NRXN3: variants seen among roughly 807,000 people sequenced by gnomAD.
NRXN3 encodes neurexin 3.
In NRXN3, 32 loss-of-function variants were observed where a neutral mutation model predicts 137.6. The ratio of observed to expected loss-of-function variants is 0.23; its 90% confidence interval spans 0.18 to 0.31. NRXN3 has a LOEUF of 0.31. NRXN3 is among the 10% of genes least tolerant of loss of function. The pLI is 1.00. For synonymous variants in NRXN3, 798 were observed against 784.5 expected (o/e 1.02, Z -0.29); for missense variants, 1,574 against 2,062.5 (o/e 0.76, Z 4.59).
intron 16 of NRXN3, among the ~76,000 whole-genome samples, chr14:79,509,807 T>C (rs1031909078): frequency 2.0e-5 from 3 of 152,126 alleles, no homozygotes; most frequent in African/African-American, 7.2e-5. Context: ...CTTTTATTAT[T>C]TTGTATTTTT....
In NRXN3 at chr14:79,371,122, A is replaced by G. The variant is rs1261348386; in HGVS notation, c.3263-96099A>G. Among the ~76,000 whole-genome samples the G allele has an allele frequency of 2.0e-5, 3 of 152,192 alleles. No homozygotes were observed. The East Asian group carries it at 5.8e-4, about 29-fold the overall frequency. On this transcript the variant is annotated intron_variant, in intron 15 of 20. Coordinates refer to ENST00000335750, the MANE Select transcript of NRXN3 (RefSeq NM_001330195.2). ...AGGTATCAAGCAGTAGAAAAAGAAT[A>G]TGGCAGATCAGGTGGATTTTGCTGT... is the stretch of plus-strand genomic sequence containing the variant.
chr14:78,763,415 A>G (rs2098699108), intron 8 of NRXN3, among the ~76,000 whole-genome samples: 1 of 152,158 alleles, frequency 6.6e-6, no homozygotes, highest in South Asian at 2.1e-4. Context: ...ATTTGAGATA[A>G]TAGGCATACA....
At chr14:78,246,835 GTA>G (rs1362935011) in intron 2 of NRXN3, among the ~76,000 whole-genome samples, 1 of 152,188 alleles carries the variant, frequency 6.6e-6, no homozygotes, top group African/African-American at 2.4e-5. Context: ...GGTGAAGTGG[GTA>G]GAGAGAAATG....
rs530089491 is a variant in NRXN3, at chr14:78,289,606, A to G, written c.728-8225A>G. Among the ~76,000 whole-genome samples, 3 of 151,140 alleles carry G rather than the reference A, an allele frequency of 2.0e-5. No homozygotes were observed. In the South Asian group the frequency reaches 6.3e-4, roughly 32 times the overall value. On this transcript the variant is annotated intron_variant, in intron 3 of 20. Coordinates refer to ENST00000335750, the MANE Select transcript of NRXN3 (RefSeq NM_001330195.2). Reference sequence around the variant, plus strand: ...GCTTGTTTTTTTTTTTCCATCATGCATGTACAACTTTAAAAACGCTCGATG... The same window carrying G: ...GCTTGTTTTTTTTTTTCCATCATGCGTGTACAACTTTAAAAACGCTCGATG...
chr14:78,436,955 T>C (rs1371646222), intron 4 of NRXN3, among the ~76,000 whole-genome samples: 1 of 152,198 alleles, frequency 6.6e-6, no homozygotes, highest in Non-Finnish European at 1.5e-5. Flanking sequence ...CTCTGGCAGG[T>C]TTGAACTACC....
intron 8 of NRXN3, among the ~76,000 whole-genome samples, chr14:78,734,889 G>A (rs1435333034): frequency 6.6e-6 from 1 of 152,170 alleles, no homozygotes; most frequent in Admixed American, 6.6e-5. Context: ...CCTACTGGTA[G>A]AGTATGATAC....
intron 15 of NRXN3, among the ~76,000 whole-genome samples, chr14:79,305,748 A>G (rs1265045259): frequency 6.6e-6 from 1 of 152,044 alleles, no homozygotes; most frequent in Non-Finnish European, 1.5e-5. Context: ...AGAAGAAGTA[A>G]TGAACTAACC....
At chr14:79,659,159 C>T (rs1263456801) in intron 16 of NRXN3, among the ~76,000 whole-genome samples, 2 of 150,542 alleles carry the variant, frequency 1.3e-5, no homozygotes, top group Admixed American at 6.6e-5. Flanking sequence ...GACTTACTGG[C>T]TATTTAAAGA....
Position 78,950,520 on chromosome 14 carries a change from A to T in NRXN3, c.2276-6722A>T, listed in dbSNP as rs545943203. On this transcript the variant is annotated intron_variant, in intron 10 of 20. Coordinates refer to ENST00000335750, the MANE Select transcript of NRXN3 (RefSeq NM_001330195.2). ...ATGGGCTGCCAGTGTTTGCTTTGTA[A>T]TGTTAGGGGCACTCTTTTTTCTAGT... is the stretch of plus-strand genomic sequence containing the variant. Among the ~76,000 whole-genome samples, 4 of 152,236 alleles carry T rather than the reference A, an allele frequency of 2.6e-5. No homozygotes were observed. The East Asian group carries it at 7.7e-4, about 29-fold the overall frequency.
chr14:78,938,947 G>T (rs1174548594), intron 10 of NRXN3, among the ~76,000 whole-genome samples: 3 of 150,418 alleles, frequency 2.0e-5, no homozygotes, highest in Non-Finnish European at 4.4e-5. Context: ...TGGGGTTCAC[G>T]CCATTCTCCT....
In NRXN3 at chr14:79,863,345, T is replaced by C. The variant is rs1030273421; in HGVS notation, c.*1381T>C. On this transcript the variant is annotated 3_prime_UTR_variant, in exon 21 of 21. Coordinates refer to ENST00000335750, the MANE Select transcript of NRXN3 (RefSeq NM_001330195.2). ...ATAAATAAATATATATACAGATATA[T>C]TTATCATGGTATGTTTGATGGGATG... The C allele has an allele frequency of 1.3e-5, 2 of 151,050 alleles. No individual in the cohort carries two copies. Among genetic ancestry groups the C allele is most frequent in the South Asian group, 2.1e-4 (1 of 4,818 alleles). 9.4% of individuals were successfully genotyped at this position (151,050 alleles called of 1,614,324 possible).
rs2096865896 is a variant in NRXN3 at position 78,569,218 on chromosome 14, C to T, written c.758-75902C>T. On this transcript the variant is annotated intron_variant, in intron 4 of 20. Transcript: ENST00000335750. ...TCCTGATCTCAGGTGATCTTCCCGC[C>T]TCGGCCTCCCAAAGTGCTGGGATTG... 1.3e-5 allele frequency among the ~76,000 whole-genome samples: 2 copies of T among 151,496 alleles called. 1 individual carries two copies. The highest frequency in any genetic ancestry group is 4.2e-4 in the South Asian group (2 of 4,806).
intron 4 of NRXN3, among the ~76,000 whole-genome samples, chr14:78,593,401 C>T (rs1291557686): frequency 6.6e-6 from 1 of 152,176 alleles, no homozygotes; most frequent in Non-Finnish European, 1.5e-5. Context: ...GGCACAGGGG[C>T]AGGATGTCTC....
At chr14:78,524,484 A>G (rs2096344809) in intron 4 of NRXN3, among the ~76,000 whole-genome samples, 1 of 152,240 alleles carries the variant, frequency 6.6e-6, no homozygotes, top group Non-Finnish European at 1.5e-5. Context: ...GAATGCCTGG[A>G]GGGTTTATTA....
chr14:78,208,033 A>G (rs982438642), intron 1 of NRXN3, among the ~76,000 whole-genome samples: 4 of 152,100 alleles, frequency 2.6e-5, no homozygotes, highest in South Asian at 2.1e-4. Context: ...AATTTCTTCT[A>G]CTTGCTGAGT....
intron 4 of NRXN3, among the ~76,000 whole-genome samples, chr14:78,581,722 C>T (rs2096999479): frequency 6.6e-6 from 1 of 152,178 alleles, no homozygotes; most frequent in African/African-American, 2.4e-5. Flanking sequence ...TCTAAGACTG[C>T]AGTGATTTTA....
At chr14:78,849,339 G>A (rs1408699578) in intron 10 of NRXN3, among the ~76,000 whole-genome samples, 2 of 152,100 alleles carry the variant, frequency 1.3e-5, no homozygotes, top group Admixed American at 6.6e-5. Context: ...GTTGTCCCCA[G>A]GCTGCATATC....
chr14:78,388,296 G>A (rs1436275107), intron 4 of NRXN3, among the ~76,000 whole-genome samples: 5 of 152,128 alleles, frequency 3.3e-5, no homozygotes, highest in Non-Finnish European at 7.3e-5. Context: ...GAGTGTATGC[G>A]CAGCTGCAGG....
chr14:78,577,499 C>T (rs962124028), intron 4 of NRXN3, among the ~76,000 whole-genome samples: 3 of 151,982 alleles, frequency 2.0e-5, no homozygotes, highest in African/African-American at 7.3e-5. Context: ...GAGTTTTGCT[C>T]TTGTTGCCCA....
Sources: gnomAD v4.1 joint callset for allele counts (sites outside exome capture counted in the v4.1 genomes callset) on GRCh38, gnomAD v4.1.1 for gene constraint, MANE v1.5 for transcripts, NCBI Gene and HGNC (gene_info 2026-07-23, HGNC 2026-07-21) for gene names.